Variants in NEBL observed in about 807,000 individuals in gnomAD.
NEBL encodes nebulette, also known as LIM and SH3 protein 2.
A neutral mutation model predicts 140.2 loss-of-function variants in NEBL; 122 were observed. The observed-to-expected ratio is 0.87, with a 90% confidence interval of 0.75 to 1.01. NEBL has a LOEUF of 1.01. Ranked by LOEUF, NEBL falls within the 50% of genes least tolerant of loss-of-function variation. The pLI is 0.00. For synonymous variants in NEBL, 436 were observed against 398.9 expected, an observed-to-expected ratio of 1.09 and a Z score of -1.11; for missense variants, 1,365 against 1,231.3, an observed-to-expected ratio of 1.11 and a Z score of -1.62.
chr10:20,999,963 A>C (rs942552697), intron 3 of NEBL, among the ~76,000 whole-genome samples: 1 of 152,046 alleles, frequency 6.6e-6, no homozygotes, highest in African/African-American at 2.4e-5. Flanking sequence ...AATCAAGACG[A>C]CGCCAGTAAG....
chr10:20,808,653 G>A lies in NEBL; in HGVS notation c.2618C>T (p.Ala873Val), dbSNP rs776191648. ...SRSLHMLSEK[A>V]SHYRRHWSRS... The stretch of plus-strand genomic sequence containing the variant: ...AGACCAGTGTCGCCTATAGTGACTC[G>A]CCTTTTCTATATTGGAGGGAAAATA... The change falls in exon 26 of 28, where the codon GCG becomes GTG. Residue 873 changes from alanine to valine, a missense_variant. By Grantham distance (64) the Ala-to-Val change is moderately conservative. This residue lies in a region of NEBL where 1,323 missense variants were observed against 1,154.8 expected (regional missense o/e 1.15). Coordinates refer to ENST00000377122, the MANE Select transcript of NEBL (RefSeq NM_006393.3). The A allele has an allele frequency of 2.4e-5, 38 of 1,612,214 alleles. No individual in the cohort carries two copies. Among genetic ancestry groups the A allele is most frequent in the African/African-American group, 4.0e-5 (3 of 74,776 alleles).
chr10:20,784,815 G>A lies in NEBL; in HGVS notation c.*932C>T, dbSNP rs558002692. 6.3e-4 allele frequency: 96 copies of A among 152,292 alleles called. No individual in the cohort carries two copies. The highest frequency in any genetic ancestry group is 2.1e-3 in the African/African-American group (88 of 41,558). 9.4% of individuals were successfully genotyped at this position (152,292 alleles called of 1,614,324 possible). Reference sequence around the variant, plus strand: ...TGTAAATCCTTCAAAACTAGAGTGCGATGCAGCAGGAAAATCTCAAGCATC... The same window carrying A: ...TGTAAATCCTTCAAAACTAGAGTGCAATGCAGCAGGAAAATCTCAAGCATC... On this transcript the variant is annotated 3_prime_UTR_variant, in exon 28 of 28. Coordinates refer to ENST00000377122, the MANE Select transcript of NEBL (RefSeq NM_006393.3).
intron 3 of NEBL, among the ~76,000 whole-genome samples, chr10:20,984,124 T>TG (rs1554815666): frequency 1.8e-4 from 2 of 11,422 alleles, no homozygotes; most frequent in African/African-American, 3.2e-4. Context: ...AAAATGTACC[T>TG]GAAAAAAAAA....
At chr10:20,879,097 G>T (rs192405499) in intron 5 of NEBL, among the ~76,000 whole-genome samples, 14 of 152,122 alleles carry the variant, frequency 9.2e-5, no homozygotes, top group Non-Finnish European at 1.9e-4. Context: ...CCTGCAGTGC[G>T]TTTGAAATCT....
intron 2 of NEBL, among the ~76,000 whole-genome samples, chr10:21,167,106 G>C (rs184439363): frequency 1.3e-5 from 2 of 152,174 alleles, no homozygotes; most frequent in South Asian, 2.1e-4. Flanking sequence ...TGGGTGACTC[G>C]TCACGAGATG....
chr10:20,819,238 C>T, intron 20 of NEBL, 186 bp downstream of exon 20: 3 of 1,042,726 alleles, frequency 2.9e-6, no homozygotes, highest in African/African-American at 1.6e-5. Flanking sequence ...GTCCAACAGG[C>T]TCCGGTGTCT....
At position 20,946,342 on chromosome 10, in the gene NEBL, G is replaced by C. The variant is rs562274004; in HGVS notation, c.357+15330C>G. 3.3e-5 allele frequency among the ~76,000 whole-genome samples: 5 copies of C among 152,314 alleles called. No individual in the cohort carries two copies. In the South Asian group the frequency reaches 1.0e-3, roughly 32 times the overall value. On this transcript the variant is annotated intron_variant, in intron 4 of 6. Transcript: ENST00000417816. ...AGAAGCTGTGGCCCTCGTGCTACTG[G>C]TAGTTAGCAGGATGAAGCTGAGTCA...
intron 3 of NEBL, among the ~76,000 whole-genome samples, chr10:21,006,608 A>G (rs1327395070): frequency 6.6e-6 from 1 of 152,116 alleles, no homozygotes; most frequent in African/African-American, 2.4e-5. Flanking sequence ...TATACCCTGA[A>G]CTTCTGCATT....
rs1588575190 is a variant in NEBL at position 21,261,883 on chromosome 10, T to A, written n.183-10055A>T. Among the ~76,000 whole-genome samples the A allele has an allele frequency of 2.0e-5, 3 of 152,076 alleles. No homozygotes were observed. In the South Asian group the frequency reaches 6.2e-4, roughly 32 times the overall value. ...GCGTGTCCTGCTGAGACGTGCACAC[T>A]CCCAGCTGTTGCCATGGTTCACTCA... On this transcript the variant is annotated intron_variant and non_coding_transcript_variant, in intron 1 of 8. Coordinates refer to the NEBL transcript ENST00000675702.
chr10:21,174,123 A>G (rs552960643), exon 1 of NEBL: 28 of 732,048 alleles, frequency 3.8e-5, no homozygotes, highest in Admixed American at 5.7e-5. Flanking sequence ...GGTGACTCAC[A>G]CAGTCACTCG....
chr10:21,044,957 G>A (rs1186186258), intron 2 of NEBL, among the ~76,000 whole-genome samples: 1 of 152,104 alleles, frequency 6.6e-6, no homozygotes, highest in African/African-American at 2.4e-5. Context: ...ACAACAAACA[G>A]CTCACTGGAA....
intron 1 of NEBL, among the ~76,000 whole-genome samples, chr10:21,264,450 G>T (rs893225662): frequency 5.3e-5 from 8 of 152,074 alleles, no homozygotes; most frequent in African/African-American, 1.9e-4. Flanking sequence ...GGCTGACAGA[G>T]CAAGTTGCCA....
intron 16 of NEBL, 199 bp downstream of exon 16, chr10:20,830,997 T>G (rs907349185): frequency 1.2e-4 from 68 of 589,336 alleles, no homozygotes; most frequent in Middle Eastern, 3.4e-4. Flanking sequence ...CTCTCCATAA[T>G]GTCTGTTGCA....
At chr10:21,129,560 T>C (rs942036010) in intron 2 of NEBL, among the ~76,000 whole-genome samples, 2 of 152,074 alleles carry the variant, frequency 1.3e-5, no homozygotes, top group African/African-American at 4.8e-5. Context: ...TATGCTTTTG[T>C]ATAAGTGAAA....
intron 1 of NEBL, among the ~76,000 whole-genome samples, chr10:21,255,789 A>C (rs1447142773): frequency 6.6e-6 from 1 of 152,056 alleles, no homozygotes; most frequent in Non-Finnish European, 1.5e-5. Context: ...CGAGGTCAGG[A>C]GATCGAGACC....
chr10:21,118,932 G>T (rs1171151427), intron 2 of NEBL, among the ~76,000 whole-genome samples: 1 of 152,074 alleles, frequency 6.6e-6, no homozygotes, highest in Non-Finnish European at 1.5e-5. Context: ...TACTTTCACC[G>T]CTTACAGGGC....
At chr10:21,129,458 G>C (rs1197000156) in intron 2 of NEBL, among the ~76,000 whole-genome samples, 2 of 151,496 alleles carry the variant, frequency 1.3e-5, no homozygotes, top group Non-Finnish European at 2.9e-5. Flanking sequence ...AATAATAATA[G>C]AAACAATGTA....
intron 3 of NEBL, among the ~76,000 whole-genome samples, chr10:21,226,192 C>T (rs1331449394): frequency 6.6e-6 from 1 of 151,490 alleles, no homozygotes; most frequent in Non-Finnish European, 1.5e-5. Context: ...GAGCTAGAGC[C>T]GAAATTGGGG....
chr10:20,845,224 T>A lies in NEBL; in HGVS notation c.1227+34A>T, dbSNP rs770196338. ...TCCTGGGTTTTTTCTTTACTTTTCT[T>A]CATAATATTTAATAATAAACACCAA... On this transcript the variant is annotated intron_variant, in intron 12 of 27. Transcript: ENST00000377122. The A allele has an allele frequency of 2.3e-6, 3 of 1,332,084 alleles. No homozygotes were observed. In the South Asian group the frequency reaches 3.6e-5, roughly 16 times the overall value. 82.5% of individuals were successfully genotyped at this position (1,332,084 alleles called of 1,614,324 possible).
Sources: allele counts gnomAD v4.1 joint callset (sites outside exome capture counted in the v4.1 genomes callset), GRCh38; gene constraint gnomAD v4.1.1; regional missense constraint gnomAD v4.1.1; transcripts MANE v1.5; gene names NCBI Gene and HGNC (gene_info 2026-07-23, HGNC 2026-07-21).